TRIM24: variants seen among roughly 807,000 people sequenced by gnomAD.
TRIM24 encodes transcription intermediary factor 1-alpha.
A neutral mutation model predicts 123.9 loss-of-function variants in TRIM24; 29 were observed. The observed-to-expected ratio is 0.23, with a 90% CI of 0.17 to 0.32. The LOEUF (loss-of-function observed/expected upper bound fraction) is 0.32. Among genes scored for constraint, TRIM24 ranks in the 10% least tolerant of loss-of-function variants. The pLI is 1.00. For synonymous variants in TRIM24, 456 were observed against 461.1 expected (o/e 0.99, Z 0.14); for missense variants, 932 against 1,295.3 (o/e 0.72, Z 4.31).
At chr7:138,571,027 T>A (rs1797644434) in intron 11 of TRIM24, 24 bp downstream of exon 11, 2 of 1,611,316 alleles carry the variant, frequency 1.2e-6, no homozygotes, top group Non-Finnish European at 1.7e-6. Context: ...AAATTTATAC[T>A]AGCCTCTGTT....
intron 17 of TRIM24, among the ~76,000 whole-genome samples, chr7:138,582,820 C>G (rs1797930686): frequency 6.6e-6 from 1 of 151,928 alleles, no homozygotes. Flanking sequence ...CAGCTTCTCT[C>G]TTAAGAACAG....
At chr7:138,538,607 G>A (rs1796940701) in intron 6 of TRIM24, 50 bp from the exon 7 acceptor site, 1 of 1,591,786 alleles carries the variant, frequency 6.3e-7, no homozygotes, top group African/African-American at 1.3e-5. Flanking sequence ...GACCATCAAA[G>A]TCTATGTTAC....
At chr7:138,512,091 A>C (rs1796299704) in intron 2 of TRIM24, among the ~76,000 whole-genome samples, 1 of 152,214 alleles carries the variant, frequency 6.6e-6, no homozygotes, top group South Asian at 2.1e-4. Context: ...TTAAAGCTCC[A>C]AAATAATCCC....
At chr7:138,470,163 T>C (rs1357927323) in intron 1 of TRIM24, among the ~76,000 whole-genome samples, 2 of 135,878 alleles carry the variant, frequency 1.5e-5, no homozygotes, top group Non-Finnish European at 3.1e-5. Flanking sequence ...ATGGAGTCTC[T>C]CTCTGTCACC....
intron 1 of TRIM24, among the ~76,000 whole-genome samples, chr7:138,468,358 C>T (rs549520457): frequency 6.6e-6 from 1 of 152,222 alleles, no homozygotes; most frequent in East Asian, 1.9e-4. Context: ...GGTTTTGCTA[C>T]AGGTATTTTG....
chr7:138,469,973 A>G (rs922638498), intron 1 of TRIM24, among the ~76,000 whole-genome samples: 6 of 151,728 alleles, frequency 4.0e-5, no homozygotes, highest in Non-Finnish European at 5.9e-5. Flanking sequence ...TGGAATGTGG[A>G]CCCCCATTTG....
intron 1 of TRIM24, among the ~76,000 whole-genome samples, chr7:138,500,419 G>GAT (rs1563034743): frequency 6.6e-6 from 1 of 151,854 alleles, no homozygotes; most frequent in Non-Finnish European, 1.5e-5. Context: ...AAAAATTAGT[G>GAT]GAGTGTGGTG....
At chr7:138,518,046 G>A (rs998607980) in intron 3 of TRIM24, among the ~76,000 whole-genome samples, 23 of 152,136 alleles carry the variant, frequency 1.5e-4, no homozygotes, top group Middle Eastern at 3.4e-3. Flanking sequence ...TTACCTTATG[G>A]AAACATTTAA....
chr7:138,526,629 C>A (rs1796615879), intron 5 of TRIM24, among the ~76,000 whole-genome samples: 1 of 152,084 alleles, frequency 6.6e-6, no homozygotes, highest in African/African-American at 2.4e-5. Context: ...CCAGCCTGGT[C>A]TTGAACTAGT....
At chr7:138,535,478 T>A (rs915600360) in intron 6 of TRIM24, among the ~76,000 whole-genome samples, 1 of 152,208 alleles carries the variant, frequency 6.6e-6, no homozygotes, top group Non-Finnish European at 1.5e-5. Flanking sequence ...CTTATGAAGC[T>A]TAGTTTGGCT....
chr7:138,531,211 G>T (rs959449559), intron 6 of TRIM24, among the ~76,000 whole-genome samples: 1 of 145,572 alleles, frequency 6.9e-6, no homozygotes, highest in African/African-American at 2.7e-5. Context: ...ACATGTATAC[G>T]TGTATGTTAC....
rs1584752863 is a variant in TRIM24 at position 138,584,716 on chromosome 7, T to A, written c.2944-26T>A. The A allele has an allele frequency of 1.9e-6, 3 of 1,551,420 alleles. No individual in the cohort carries two copies. The East Asian group carries it at 6.7e-5, about 35-fold the overall frequency. On this transcript the variant is annotated intron_variant, in intron 18 of 18. Transcript: ENST00000343526. ...AGAAGTCAAAAGTGTGTCCTTTTTT[T>A]ACTCATTTTTATTTTTACTCCACAG...
chr7:138,563,798 A>G (rs985225125), intron 9 of TRIM24, among the ~76,000 whole-genome samples: 3 of 152,254 alleles, frequency 2.0e-5, no homozygotes, highest in East Asian at 1.9e-4. Flanking sequence ...GATATTTCCT[A>G]TATTGATTGC....
intron 7 of TRIM24, among the ~76,000 whole-genome samples, chr7:138,550,730 C>A (rs113754573): frequency 1.9e-4 from 29 of 152,216 alleles, no homozygotes; most frequent in African/African-American, 6.7e-4. Context: ...GAATCCTTTT[C>A]TAAGAGAGTA....
In TRIM24 at chr7:138,583,900, C is replaced by G; in HGVS notation, c.2844C>G (p.Ile948Met). 6.3e-7 allele frequency: 1 copy of G among 1,598,608 alleles called. No individual in the cohort carries two copies. Among genetic ancestry groups the G allele is most frequent in the South Asian group, 1.1e-5 (1 of 87,532 alleles). ...IIKNPMDLST[I>M]KKRLQEDYSM... is the part of the protein sequence containing the mutation. ...AAAATCCAATGGATTTGTCAACCAT[C>G]AAGAAAAGACTACAAGAAGATTATT... The change falls in exon 18 of 19, where the codon ATC becomes ATG. Residue 948 changes from isoleucine (I) to methionine (M), a missense_variant. Ile to Met is a conservative substitution (Grantham distance 10, BLOSUM62 1). This residue lies in a region of TRIM24 where 104 missense variants were observed against 121.5 expected (regional missense o/e 0.86). Coordinates refer to ENST00000343526, the MANE Select transcript of TRIM24 (RefSeq NM_015905.3).
intron 1 of TRIM24, among the ~76,000 whole-genome samples, chr7:138,493,380 C>G (rs749556735): frequency 2.6e-5 from 4 of 152,148 alleles, no homozygotes; most frequent in Non-Finnish European, 5.9e-5. Context: ...TCCTTCTACT[C>G]AGGGATTTAT....
intron 9 of TRIM24, among the ~76,000 whole-genome samples, chr7:138,563,116 A>G (rs1022560111): frequency 6.6e-6 from 1 of 152,184 alleles, no homozygotes; most frequent in Non-Finnish European, 1.5e-5. Flanking sequence ...ATTGTCCACC[A>G]TAAAGTCCAT....
At chr7:138,513,987 G>A (rs1041351543) in intron 2 of TRIM24, among the ~76,000 whole-genome samples, 4 of 152,172 alleles carry the variant, frequency 2.6e-5, no homozygotes, top group Non-Finnish European at 5.9e-5. Flanking sequence ...GGAAGGGTGG[G>A]ATCCACAGTG....
intron 9 of TRIM24, among the ~76,000 whole-genome samples, chr7:138,559,324 A>C (rs968063770): frequency 3.9e-5 from 6 of 152,168 alleles, no homozygotes; most frequent in African/African-American, 1.4e-4. Context: ...ATTTTCTGAC[A>C]CTGGTATGAG....
Sources: gnomAD v4.1 joint callset for allele counts (sites outside exome capture counted in the v4.1 genomes callset) on GRCh38, gnomAD v4.1.1 for gene constraint, gnomAD v4.1.1 regional missense constraint, MANE v1.5 for transcripts, NCBI Gene and HGNC (gene_info 2026-07-23, HGNC 2026-07-21) for gene names.